The following VWC2L variants were observed in gnomAD, a reference collection of about 807,000 sequenced individuals.
VWC2L encodes von Willebrand factor C domain containing 2 like, also known as von Willebrand factor C domain-containing protein 2-like.
Under a neutral mutation model 21.6 loss-of-function variants are expected in VWC2L, and 10 were observed. The observed-to-expected ratio is 0.46, with a 90% CI of 0.29 to 0.78. The LOEUF (loss-of-function observed/expected upper bound fraction) is 0.78. Ranked by LOEUF, VWC2L falls within the 30% of genes least tolerant of loss-of-function variation. The pLI, the probability that VWC2L is intolerant of heterozygous loss-of-function variation, is 0.10. For missense variants in VWC2L, 209 were observed against 277.1 expected (o/e 0.75, Z 1.74); for synonymous variants, 96 against 94.3 (o/e 1.02, Z -0.10).
intron 2 of VWC2L, among the ~76,000 whole-genome samples, chr2:214,416,992 T>C (rs192788111): frequency 6.6e-6 from 1 of 152,286 alleles, no homozygotes; most frequent in African/African-American, 2.4e-5. Context: ...TTTAAAAGAC[T>C]TTCAAATGAA....
intron 1 of VWC2L, 68 bp downstream of exon 1, chr2:214,411,854 A>T (rs1313499184): frequency 6.6e-6 from 1 of 152,044 alleles, no homozygotes; most frequent in Non-Finnish European, 1.5e-5. Flanking sequence ...ATTTTAAATC[A>T]TCTGTAGCAA....
chr2:214,413,725 T>C (rs1702311941), intron 1 of VWC2L, among the ~76,000 whole-genome samples: 1 of 152,200 alleles, frequency 6.6e-6, no homozygotes. Context: ...ATATGTTCCA[T>C]CACTGACTAG....
intron 3 of VWC2L, among the ~76,000 whole-genome samples, chr2:214,495,844 C>T (rs1224886531): frequency 1.3e-5 from 2 of 152,120 alleles, no homozygotes; most frequent in Admixed American, 1.3e-4. Context: ...ATCCTCACAA[C>T]CAGCTTCAAA....
intron 3 of VWC2L, among the ~76,000 whole-genome samples, chr2:214,530,375 T>C (rs1337455100): frequency 6.6e-6 from 1 of 152,194 alleles, no homozygotes; most frequent in Non-Finnish European, 1.5e-5. Flanking sequence ...TGACGACTAG[T>C]AGCAAAGTCT....
intron 3 of VWC2L, among the ~76,000 whole-genome samples, chr2:214,443,983 C>T (rs556663122): frequency 5.4e-4 from 82 of 152,054 alleles, no homozygotes; most frequent in Non-Finnish European, 1.0e-3. Flanking sequence ...AGTAAGATAA[C>T]GGTACAAAAT....
At chr2:214,417,763 C>T (rs968865215) in intron 2 of VWC2L, among the ~76,000 whole-genome samples, 2 of 151,788 alleles carry the variant, frequency 1.3e-5, no homozygotes, top group East Asian at 1.9e-4. Context: ...AAATAAAATG[C>T]GGATTGTTCT....
chr2:214,500,872 T>C (rs1688881636), intron 3 of VWC2L, among the ~76,000 whole-genome samples: 1 of 152,214 alleles, frequency 6.6e-6, no homozygotes, highest in African/African-American at 2.4e-5. Context: ...TTGTCCTCTC[T>C]AGGTTATATA....
chr2:214,549,045 A>T (rs573427530), intron 3 of VWC2L, among the ~76,000 whole-genome samples: 1 of 152,078 alleles, frequency 6.6e-6, no homozygotes, highest in African/African-American at 2.4e-5. Flanking sequence ...GTTTTCTTTC[A>T]TTTTCTAGCT....
chr2:214,573,018 T>C (rs1690175151), intron 3 of VWC2L, among the ~76,000 whole-genome samples: 1 of 152,144 alleles, frequency 6.6e-6, no homozygotes, highest in South Asian at 2.1e-4. Context: ...AGAAATGGTG[T>C]ATAGAGGTTA....
At chr2:214,569,943 T>G (rs1690125402) in intron 3 of VWC2L, among the ~76,000 whole-genome samples, 1 of 151,492 alleles carries the variant, frequency 6.6e-6, no homozygotes, top group African/African-American at 2.4e-5. Flanking sequence ...ATCCAATTTT[T>G]ATGCACCTTT....
At chr2:214,524,645 A>G (rs1404682878) in intron 3 of VWC2L, among the ~76,000 whole-genome samples, 1 of 152,218 alleles carries the variant, frequency 6.6e-6, no homozygotes, top group Non-Finnish European at 1.5e-5. Flanking sequence ...TGAGAGCCAC[A>G]TGGTCCCTGC....
At chr2:214,432,011 A>G (rs530923570) in intron 2 of VWC2L, among the ~76,000 whole-genome samples, 2 of 152,326 alleles carry the variant, frequency 1.3e-5, no homozygotes, top group East Asian at 3.9e-4. Flanking sequence ...TTGGAACCCA[A>G]ATAGTTATTT....
intron 3 of VWC2L, among the ~76,000 whole-genome samples, chr2:214,448,548 A>G (rs1574569816): frequency 1.3e-5 from 2 of 152,210 alleles, no homozygotes; most frequent in East Asian, 3.9e-4. Context: ...TAGAAAAGAC[A>G]GACGGATTGC....
intron 3 of VWC2L, among the ~76,000 whole-genome samples, chr2:214,549,484 G>T (rs759346956): frequency 4.2e-4 from 64 of 152,204 alleles, no homozygotes; most frequent in Non-Finnish European, 5.0e-4. Flanking sequence ...ATATTAAAAA[G>T]TTGGCTTAGG....
At chr2:214,522,842 T>C (rs910112759) in intron 3 of VWC2L, among the ~76,000 whole-genome samples, 2 of 152,200 alleles carry the variant, frequency 1.3e-5, no homozygotes, top group Admixed American at 1.3e-4. Flanking sequence ...TAAATCTTGA[T>C]ATGTTAAATA....
chr2:214,571,696 C>T lies in VWC2L; in HGVS notation c.521-3976C>T, dbSNP rs539214158. Reference sequence around the variant, plus strand: ...CAAGGATCTGACAACTTAAACCATACCTGACAGATAAGACCGATATTCTCT... The same window carrying T: ...CAAGGATCTGACAACTTAAACCATATCTGACAGATAAGACCGATATTCTCT... On this transcript the variant is annotated intron_variant, in intron 3 of 3. Coordinates refer to ENST00000312504, the MANE Select transcript of VWC2L (RefSeq NM_001080500.4). Among the ~76,000 whole-genome samples, 183 of 152,290 alleles carry T rather than the reference C, an allele frequency of 1.2e-3. 2 individuals carry two copies. The highest frequency in any genetic ancestry group is 4.4e-3 in the African/African-American group (181 of 41,558).
intron 3 of VWC2L, among the ~76,000 whole-genome samples, chr2:214,456,650 C>T (rs1265414918): frequency 1.3e-5 from 2 of 151,960 alleles, no homozygotes; most frequent in Non-Finnish European, 2.9e-5. Flanking sequence ...AAAATATTTT[C>T]CTAGACCAAC....
intron 3 of VWC2L, among the ~76,000 whole-genome samples, chr2:214,474,456 G>A (rs1688470355): frequency 1.3e-5 from 2 of 152,094 alleles, no homozygotes; most frequent in African/African-American, 4.8e-5. Flanking sequence ...GTGTGTGCAA[G>A]TATTTTGTCC....
At chr2:214,452,381 T>C (rs943359208) in intron 3 of VWC2L, among the ~76,000 whole-genome samples, 1 of 152,176 alleles carries the variant, frequency 6.6e-6, no homozygotes, top group African/African-American at 2.4e-5. Context: ...CTTTTTCATC[T>C]AGCTTTTTTC....
Sources: gnomAD v4.1 joint callset for allele counts (sites outside exome capture counted in the v4.1 genomes callset) on GRCh38, gnomAD v4.1.1 for gene constraint, MANE v1.5 for transcripts, NCBI Gene and HGNC (gene_info 2026-07-23, HGNC 2026-07-21) for gene names.